SLIT1: variants seen among roughly 807,000 people sequenced by gnomAD.
SLIT1 encodes slit guidance ligand 1.
In SLIT1, 66 loss-of-function variants were observed where a neutral mutation model predicts 186.1. The observed-to-expected ratio is 0.35, with a 90% CI of 0.29 to 0.44. The LOEUF (loss-of-function observed/expected upper bound fraction) is 0.44. Among genes scored for constraint, SLIT1 ranks in the 20% least tolerant of loss-of-function variants. SLIT1 has a pLI of 1.00. For synonymous variants in SLIT1, 761 were observed against 833.8 expected, an observed-to-expected ratio of 0.91 and a Z score of 1.50; for missense variants, 1,638 against 2,037.4, an observed-to-expected ratio of 0.80 and a Z score of 3.77.
chr10:97,141,721 T>C (rs1281173557), intron 4 of SLIT1, among the ~76,000 whole-genome samples: 1 of 128,246 alleles, frequency 7.8e-6, no homozygotes, highest in Admixed American at 7.3e-5. Context: ...TGTACTGTAT[T>C]GTATTGTACT....
intron 28 of SLIT1, among the ~76,000 whole-genome samples, chr10:97,016,673 GT>G (rs1207328179): frequency 2.0e-5 from 3 of 152,156 alleles, no homozygotes; most frequent in African/African-American, 7.2e-5. Flanking sequence ...CCCAAATAAA[GT>G]GATAGTTTTA....
Position 97,102,130 on chromosome 10 carries a change from C to T in SLIT1, c.414-36044G>A, listed in dbSNP as rs562801543. 92 of 152,286 alleles carry T rather than the reference C, an allele frequency of 6.0e-4. 1 individual carries two copies. Among genetic ancestry groups the T allele is most frequent in the Non-Finnish European group, 1.0e-3 (69 of 68,076 alleles). 9.4% of individuals were successfully genotyped at this position (152,286 alleles called of 1,614,324 possible). A position where few individuals can be genotyped will look rare whatever the true frequency, so the allele number is the denominator to read the frequency against. ...AGGGTGATGTAGATGCACGTTAAAA[C>T]CTGTGAGGTGGCCGGGCGCGGTGGC... On this transcript the variant is annotated intron_variant, in intron 4 of 36. Coordinates refer to ENST00000266058, the MANE Select transcript of SLIT1 (RefSeq NM_003061.3).
Position 97,018,640 on chromosome 10 carries a change from G to T in SLIT1, c.2915C>A (p.Pro972His). The T allele has an allele frequency of 6.3e-7, 1 of 1,596,778 alleles. No homozygotes were observed. The highest frequency in any genetic ancestry group is 2.3e-5 in the East Asian group (1 of 43,944). ...EVSLDSCSSG[P>H]CENGGTCHAQ... ...ATGGCAGGTGCCCCCATTTTCACAGGGGCCACTGGAACAGCTGTCCAGGGA... is the reference window on the plus strand; with the variant it reads ...ATGGCAGGTGCCCCCATTTTCACAGTGGCCACTGGAACAGCTGTCCAGGGA... The change falls in exon 28 of 37, where the codon CCC becomes CAC. Residue 972 changes from proline to histidine, a missense_variant. Transcript: ENST00000266058.
intron 8 of SLIT1, among the ~76,000 whole-genome samples, chr10:97,061,448 A>G (rs1231947595): frequency 1.3e-5 from 2 of 152,230 alleles, no homozygotes; most frequent in Admixed American, 1.3e-4. Context: ...TCCATTACCC[A>G]AGAAGATTCC....
intron 4 of SLIT1, among the ~76,000 whole-genome samples, chr10:97,092,038 C>T (rs1849237802): frequency 1.3e-5 from 2 of 152,214 alleles, no homozygotes; most frequent in African/African-American, 4.8e-5. Context: ...CAAGTTTTTG[C>T]TCGAACCAGG....
chr10:97,066,979 C>T (rs142428876), intron 4 of SLIT1, among the ~76,000 whole-genome samples: 33 of 152,294 alleles, frequency 2.2e-4, no homozygotes, highest in African/African-American at 6.7e-4. Context: ...CTGGGGCTTA[C>T]GCTCTGTGTC....
chr10:97,042,871 C>A lies in SLIT1; in HGVS notation c.2164+30G>T, dbSNP rs555649155. On this transcript the variant is annotated intron_variant, in intron 20 of 36. Coordinates refer to ENST00000266058, the MANE Select transcript of SLIT1 (RefSeq NM_003061.3). ...CCACTGGTTGGACCCAGGGCGCCCT[C>A]TCCCTTGCCACCGGGGGGCCACGAG... is the stretch of plus-strand genomic sequence containing the variant. The A allele has an allele frequency of 4.4e-6, 7 of 1,608,344 alleles. No individual in the cohort carries two copies. The South Asian group carries it at 6.7e-5, about 15-fold the overall frequency.
chr10:97,133,503 G>A (rs1255289692), intron 4 of SLIT1, among the ~76,000 whole-genome samples: 2 of 152,324 alleles, frequency 1.3e-5, no homozygotes, highest in Non-Finnish European at 2.9e-5. Context: ...GCCAGGGACT[G>A]GCAGGTGGGG....
chr10:97,064,268 C>T, intron 6 of SLIT1, 29 bp from the exon 7 acceptor site: 1 of 1,588,532 alleles, frequency 6.3e-7, no homozygotes, highest in Non-Finnish European at 8.6e-7. Flanking sequence ...AGTCATTTAG[C>T]ACCTGCCCAG....
intron 1 of SLIT1, among the ~76,000 whole-genome samples, chr10:97,172,846 A>G (rs1414716009): frequency 6.6e-6 from 1 of 152,052 alleles, no homozygotes; most frequent in Non-Finnish European, 1.5e-5. Flanking sequence ...ATGAGCTATG[A>G]TTGCACCACT....
chr10:97,149,903 C>A (rs1192440124), intron 4 of SLIT1, among the ~76,000 whole-genome samples: 2 of 152,210 alleles, frequency 1.3e-5, no homozygotes, highest in African/African-American at 4.8e-5. Context: ...GCCCTGGGAG[C>A]TGTATGGCGC....
chr10:97,105,761 C>T (rs1427133994), intron 4 of SLIT1, among the ~76,000 whole-genome samples: 1 of 152,236 alleles, frequency 6.6e-6, no homozygotes, highest in South Asian at 2.1e-4. Context: ...CATTGTTAGC[C>T]GTGGCCCCTC....
rs776024588 is a variant in SLIT1 at position 97,185,481 on chromosome 10, C to A, written c.194G>T (p.Arg65Leu). 1 of 1,611,344 alleles carries A rather than the reference C, an allele frequency of 6.2e-7. No homozygotes were observed. Among genetic ancestry groups the A allele is most frequent in the South Asian group, 1.1e-5 (1 of 90,810 alleles). Reference protein sequence around the residue: ...IPKNIPRNTERLELNGNNITR... With the variant: ...IPKNIPRNTELLELNGNNITR... ...CAGGGGCGGGGACCATACTCACAGG[C>A]GCTCGGTGTTCCGAGGTATATTCTT... Residue 65 changes from arginine (R) to leucine (L), a missense_variant, in exon 1 of 37, where the codon CGC becomes CTC. Transcript: ENST00000266058.
In SLIT1 at chr10:97,001,204, G is replaced by A. The variant is rs749759150; in HGVS notation, c.4513C>T (p.Arg1505Trp). 50 of 1,613,126 alleles carry A rather than the reference G, an allele frequency of 3.1e-5. No homozygotes were observed. Among genetic ancestry groups the A allele is most frequent in the Non-Finnish European group, 3.6e-5 (43 of 1,179,914 alleles). ...QGCCQGLRLK[R>W]RKFTFECSDG... Reference sequence around the variant, plus strand: ...CTGCACTCAAAGGTGAACTTCCTCCGCTTCAGCCGAAGGCCCTGGCAGCAG... The same window carrying A: ...CTGCACTCAAAGGTGAACTTCCTCCACTTCAGCCGAAGGCCCTGGCAGCAG... Residue 1505 changes from arginine to tryptophan, a missense_variant, in exon 37 of 37, where the codon CGG (arginine) becomes TGG (tryptophan). Physicochemically the swap from Arg to Trp is moderately radical, Grantham distance 101. This residue lies in a region of SLIT1 where 220 missense variants were observed against 211.3 expected (regional missense o/e 1.04). Coordinates refer to ENST00000266058, the MANE Select transcript of SLIT1 (RefSeq NM_003061.3).
intron 4 of SLIT1, among the ~76,000 whole-genome samples, chr10:97,149,966 C>A (rs1297314848): frequency 1.3e-5 from 2 of 152,188 alleles, no homozygotes; most frequent in Non-Finnish European, 2.9e-5. Context: ...CTCTGCTTGG[C>A]CCAGCTCTTC....
chr10:97,154,344 A>G (rs1046394143), intron 4 of SLIT1: 2 of 152,182 alleles, frequency 1.3e-5, no homozygotes, highest in African/African-American at 4.8e-5. Flanking sequence ...CTCAGTGCAA[A>G]CTAAGCAGGG....
At chr10:97,017,220 C>T (rs926816365) in intron 28 of SLIT1, among the ~76,000 whole-genome samples, 5 of 152,136 alleles carry the variant, frequency 3.3e-5, no homozygotes, top group African/African-American at 9.7e-5. Context: ...AGTTGCTCAC[C>T]GAAGCCCCGA....
intron 4 of SLIT1, among the ~76,000 whole-genome samples, chr10:97,144,252 A>G (rs1333766077): frequency 6.6e-6 from 1 of 152,176 alleles, no homozygotes; most frequent in Non-Finnish European, 1.5e-5. Flanking sequence ...AGAATTCATG[A>G]AAAAGGTAAG....
At chr10:97,061,768 C>T (rs1286845828) in intron 8 of SLIT1, among the ~76,000 whole-genome samples, 1 of 152,184 alleles carries the variant, frequency 6.6e-6, no homozygotes, top group Non-Finnish European at 1.5e-5. Context: ...AGAAAAAATG[C>T]ACACACCTAG....
Sources: gnomAD v4.1 joint callset for allele counts (sites outside exome capture counted in the v4.1 genomes callset) on GRCh38, gnomAD v4.1.1 for gene constraint, gnomAD v4.1.1 regional missense constraint, MANE v1.5 for transcripts, NCBI Gene and HGNC (gene_info 2026-07-23, HGNC 2026-07-21) for gene names.